PTCHD4: variants seen among roughly 807,000 people sequenced by gnomAD.
The protein encoded by PTCHD4 is patched domain-containing protein 4.
In PTCHD4, 33 loss-of-function variants were observed where a neutral mutation model predicts 58.1. The observed-to-expected ratio is 0.57, with a 90% CI of 0.43 to 0.76. The LOEUF (loss-of-function observed/expected upper bound fraction) is 0.76. Among genes scored for constraint, PTCHD4 ranks in the 30% least tolerant of loss-of-function variants. PTCHD4 has a pLI of 0.00. For missense variants in PTCHD4, 1,058 were observed against 1,027.1 expected, an observed-to-expected ratio of 1.03 and a Z score of -0.41; for synonymous variants, 478 against 409.6, an observed-to-expected ratio of 1.17 and a Z score of -2.02.
At chr6:47,992,652 ATC>A (rs1234694039) in intron 4 of PTCHD4, among the ~76,000 whole-genome samples, 2 of 152,214 alleles carry the variant, frequency 1.3e-5, no homozygotes, top group Admixed American at 1.3e-4. Context: ...TTCATTTGAT[ATC>A]TCTGTATATA....
chr6:48,075,582 A>C (rs1765049819), intron 1 of PTCHD4, among the ~76,000 whole-genome samples: 1 of 152,162 alleles, frequency 6.6e-6, no homozygotes, highest in Non-Finnish European at 1.5e-5. Context: ...TTTGTATCTC[A>C]GAAAAATTGC....
intron 1 of PTCHD4, among the ~76,000 whole-genome samples, chr6:48,091,611 C>A (rs1385485707): frequency 6.6e-6 from 1 of 151,518 alleles, no homozygotes; most frequent in Non-Finnish European, 1.5e-5. Flanking sequence ...TTCTTTCCTT[C>A]CTTCCCTCCC....
intron 4 of PTCHD4, among the ~76,000 whole-genome samples, chr6:47,991,944 A>G (rs1768294631): frequency 6.6e-6 from 1 of 152,112 alleles, no homozygotes; most frequent in South Asian, 2.1e-4. Flanking sequence ...GAAAGCAAAA[A>G]TAAGACAATA....
chr6:47,906,938 T>A (rs532324349), intron 4 of PTCHD4, among the ~76,000 whole-genome samples: 1 of 152,336 alleles, frequency 6.6e-6, no homozygotes, highest in South Asian at 2.1e-4. Context: ...AACTTAATCA[T>A]AAGTCAGTTT....
At chr6:47,946,233 A>G (rs1029384230) in intron 4 of PTCHD4, among the ~76,000 whole-genome samples, 7 of 152,138 alleles carry the variant, frequency 4.6e-5, no homozygotes, top group Non-Finnish European at 7.4e-5. Flanking sequence ...TGTGTTGTTG[A>G]AATATTCCAT....
At chr6:47,941,778 T>C (rs1766235220) in intron 4 of PTCHD4, among the ~76,000 whole-genome samples, 1 of 152,194 alleles carries the variant, frequency 6.6e-6, no homozygotes, top group Non-Finnish European at 1.5e-5. Context: ...GTTTGTAAAA[T>C]GCATAGAATA....
intron 4 of PTCHD4, among the ~76,000 whole-genome samples, chr6:47,993,333 C>T (rs1032844896): frequency 1.3e-5 from 2 of 152,270 alleles, no homozygotes; most frequent in Non-Finnish European, 2.9e-5. Flanking sequence ...TCTTCAGGCT[C>T]TTTCTCAAAG....
intron 3 of PTCHD4, among the ~76,000 whole-genome samples, chr6:48,014,749 TCTTA>T (rs1253030462): frequency 1.3e-5 from 2 of 152,104 alleles, no homozygotes; most frequent in East Asian, 1.9e-4. Context: ...TTGATAAAGA[TCTTA>T]CTTATCACAT....
intron 3 of PTCHD4, among the ~76,000 whole-genome samples, chr6:48,033,263 C>A (rs986875064): frequency 6.6e-6 from 1 of 152,056 alleles, no homozygotes; most frequent in African/African-American, 2.4e-5. Flanking sequence ...GAATTTTTCA[C>A]ATTTATTTCT....
At chr6:47,890,962 C>CCCCAAAGTGCTGGGA in intron 4 of PTCHD4, 1 of 843,444 alleles carries the variant, frequency 1.2e-6, no homozygotes. Flanking sequence ...AATCCCAGCA[C>CCCCAAAGTGCTGGGA]TTTGGGGGGC....
chr6:48,077,170 C>A (rs1765076444), intron 1 of PTCHD4, among the ~76,000 whole-genome samples: 1 of 152,166 alleles, frequency 6.6e-6, no homozygotes, highest in Non-Finnish European at 1.5e-5. Context: ...GTGCTCTTAT[C>A]CAGGCTTTGT....
rs143420847 is a variant in PTCHD4 at position 48,008,765 on chromosome 6, C to T, written c.767G>A (p.Arg256His). The T allele has an allele frequency of 4.1e-5, 66 of 1,613,924 alleles. No homozygotes were observed. Among genetic ancestry groups the T allele is most frequent in the African/African-American group, 2.0e-4 (15 of 75,058 alleles). ...CAGGAGGCCCAGGAAGGGCTTACTG[C>T]GCAAGCAGTCCTTCATGGAGCTGGA... ...TLSSSMKDCLRSKPFLGLLGV... is the reference protein window; with the variant it reads ...TLSSSMKDCLHSKPFLGLLGV... Residue 256 changes from arginine to histidine, a missense_variant, in exon 4 of 5, where the codon CGC becomes CAC. Physicochemically the swap from Arg to His is conservative, Grantham distance 29. Coordinates refer to ENST00000339488, the MANE Select transcript of PTCHD4 (RefSeq NM_001384253.1).
intron 3 of PTCHD4, among the ~76,000 whole-genome samples, chr6:48,063,516 G>A (rs1764701058): frequency 6.6e-6 from 1 of 152,162 alleles, no homozygotes; most frequent in Admixed American, 6.5e-5. Flanking sequence ...AAGAATATGA[G>A]CTTCAGTACC....
chr6:47,873,212 C>T lies in PTCHD4; in HGVS notation c.*5091G>A, dbSNP rs187426654. Among the ~76,000 whole-genome samples, 51 of 151,810 alleles carry T rather than the reference C, an allele frequency of 3.4e-4. No homozygotes were observed. The highest frequency in any genetic ancestry group is 3.4e-3 in the Middle Eastern group (1 of 294). The stretch of plus-strand genomic sequence containing the variant: ...CAAGTGCAATGTATTTGCCTATGAT[C>T]AAGTTTGCTAGCAGTTGAGAATCTA... On this transcript the variant is annotated 3_prime_UTR_variant, in exon 5 of 5. Transcript: ENST00000339488.
rs547951974 is a variant in PTCHD4, at chr6:48,109,966, T to C, written c.-970+1083A>G. Among the ~76,000 whole-genome samples, 196 of 152,230 alleles carry C rather than the reference T, an allele frequency of 1.3e-3. 1 individual carries two copies. In the Middle Eastern group the frequency reaches 0.014, roughly 11 times the overall value. On this transcript the variant is annotated intron_variant, in intron 1 of 4. Transcript: ENST00000339488. Reference sequence around the variant, plus strand: ...AAAAACAACAACCAAGTGATAGGTATTGGTGAGAGTGTGGAGAAAAGAGAG... The same window carrying C: ...AAAAACAACAACCAAGTGATAGGTACTGGTGAGAGTGTGGAGAAAAGAGAG...
chr6:47,888,543 TTA>T (rs1007551950), intron 4 of PTCHD4, among the ~76,000 whole-genome samples: 2 of 152,136 alleles, frequency 1.3e-5, no homozygotes, highest in Non-Finnish European at 2.9e-5. Flanking sequence ...GTTGTATATT[TTA>T]TATATATATC....
At chr6:48,014,759 C>T (rs1762809775) in intron 3 of PTCHD4, among the ~76,000 whole-genome samples, 2 of 152,042 alleles carry the variant, frequency 1.3e-5, no homozygotes, top group South Asian at 4.1e-4. Flanking sequence ...TCTTACTTAT[C>T]ACATGATGAA....
intron 3 of PTCHD4, among the ~76,000 whole-genome samples, chr6:48,022,051 C>G (rs1434560507): frequency 6.6e-6 from 1 of 152,014 alleles, no homozygotes; most frequent in East Asian, 1.9e-4. Context: ...GTGTCTTAAT[C>G]TTTTGATAAA....
rs959472234 is a variant in PTCHD4, at chr6:47,871,347, C to T, written c.*6956G>A. 6.6e-6 allele frequency among the ~76,000 whole-genome samples: 1 copy of T among 151,520 alleles called. No individual in the cohort carries two copies. Among genetic ancestry groups the T allele is most frequent in the Non-Finnish European group, 1.5e-5 (1 of 67,718 alleles). On this transcript the variant is annotated 3_prime_UTR_variant, in exon 5 of 5. Coordinates refer to ENST00000339488, the MANE Select transcript of PTCHD4 (RefSeq NM_001384253.1). ...TGCCTAGAATAAACAAACAAACACC[C>T]GAACAGATTTTTTCCTCCAAGAAAA...
Sources: allele counts gnomAD v4.1 joint callset (sites outside exome capture counted in the v4.1 genomes callset), GRCh38; gene constraint gnomAD v4.1.1; transcripts MANE v1.5; gene names NCBI Gene and HGNC (gene_info 2026-07-23, HGNC 2026-07-21).